Variants in USH2A observed in about 807,000 individuals in gnomAD.
USH2A encodes Usher syndrome 2A (autosomal recessive, mild).
USH2A carries 443 observed loss-of-function variants against 538.9 expected under a neutral mutation model. That is an observed-to-expected ratio of 0.82 (90% CI 0.76 to 0.89). The LOEUF (loss-of-function observed/expected upper bound fraction) is 0.89, where lower values mean the gene tolerates loss of function less well. Ranked by LOEUF, USH2A falls within the 40% of genes least tolerant of loss-of-function variation. The pLI is 0.00. For missense variants in USH2A, 6,633 were observed against 6,324.8 expected (o/e 1.05, Z -1.65); for synonymous variants, 2,413 against 2,273.5 (o/e 1.06, Z -1.75).
At position 216,391,716 on chromosome 1, in the gene USH2A, T is replaced by C. The variant is rs144253906; in HGVS notation, c.652-26631A>G. Among the ~76,000 whole-genome samples the C allele has an allele frequency of 2.8e-4, 42 of 152,278 alleles. No individual in the cohort carries two copies. In the East Asian group the frequency reaches 7.5e-3, roughly 27 times the overall value. On this transcript the variant is annotated intron_variant, in intron 3 of 71. Transcript: ENST00000307340. ...TATTGAGTTTGCATAAACTCTGCAT[T>C]TTACCAACAAGAGAACTAAGGTGAG... is the stretch of plus-strand genomic sequence containing the variant.
At chr1:216,284,509 C>T (rs893521316) in intron 11 of USH2A, among the ~76,000 whole-genome samples, 1 of 152,148 alleles carries the variant, frequency 6.6e-6, no homozygotes, top group Non-Finnish European at 1.5e-5. Flanking sequence ...AATTAACATC[C>T]TTCCTTTATA....
chr1:216,046,734 A>C (rs1296255628), intron 31 of USH2A, 142 bp from the exon 32 acceptor site: 1 of 970,446 alleles, frequency 1.0e-6, no homozygotes, highest in Non-Finnish European at 1.6e-6. Flanking sequence ...CTTGTCAGTA[A>C]TTGCTTTAGG....
intron 4 of USH2A, among the ~76,000 whole-genome samples, chr1:216,359,490 A>T (rs2038450610): frequency 6.6e-6 from 1 of 152,262 alleles, no homozygotes; most frequent in Middle Eastern, 3.4e-3. Context: ...CCTGGGTTAT[A>T]TTTAAACCAG....
At chr1:216,126,016 A>G (rs1180555628) in intron 21 of USH2A, among the ~76,000 whole-genome samples, 1 of 152,228 alleles carries the variant, frequency 6.6e-6, no homozygotes, top group Non-Finnish European at 1.5e-5. Context: ...CATTTCAAAA[A>G]TGTGTTTTAA....
At chr1:215,702,715 CT>C (rs1044912526) in intron 61 of USH2A, among the ~76,000 whole-genome samples, 3 of 151,402 alleles carry the variant, frequency 2.0e-5, no homozygotes, top group Non-Finnish European at 4.4e-5. Flanking sequence ...TTCCTGTAAC[CT>C]TTTTTTTCAA....
intron 61 of USH2A, among the ~76,000 whole-genome samples, chr1:215,726,630 G>T (rs761089276): frequency 1.4e-4 from 22 of 151,852 alleles, no homozygotes; most frequent in Non-Finnish European, 2.6e-4. Flanking sequence ...TAGTTTTTTG[G>T]TTTTTTTATA....
At chr1:216,242,204 T>A (rs796572839) in intron 13 of USH2A, among the ~76,000 whole-genome samples, 117 of 108,714 alleles carry the variant, frequency 1.1e-3, no homozygotes, top group African/African-American at 3.7e-3. Context: ...AAAAAAAAAA[T>A]ACAAAAAATT....
In USH2A at chr1:215,901,067, C is replaced by A. The variant is rs1665486061; in HGVS notation, c.7301-162G>T. 5.8e-6 allele frequency: 5 copies of A among 862,390 alleles called. No individual in the cohort carries two copies. The Admixed American group carries it at 1.0e-4, about 18-fold the overall frequency. 53.4% of individuals were successfully genotyped at this position (862,390 alleles called of 1,614,324 possible). A position where few individuals can be genotyped will look rare whatever the true frequency, so the allele number is the denominator to read the frequency against. On this transcript the variant is annotated intron_variant, in intron 38 of 71. Coordinates refer to ENST00000307340, the MANE Select transcript of USH2A (RefSeq NM_206933.4). ...ACATTTTCATTCCTGAACTCCTGTA[C>A]TTCCTTATTGTTCATTTCAACACAA...
At chr1:215,630,334 G>A in intron 70 of USH2A, 6 of 451,418 alleles carry the variant, frequency 1.3e-5, no homozygotes, top group South Asian at 9.4e-5. Flanking sequence ...TCCAATGACA[G>A]CATTATCATA....
At position 215,782,071 on chromosome 1, in the gene USH2A, T is replaced by C. The variant is rs763789288; in HGVS notation, c.10711A>G (p.Thr3571Ala). 1 of 1,614,012 alleles carries C rather than the reference T, an allele frequency of 6.2e-7. No homozygotes were observed. The highest frequency in any genetic ancestry group is 8.5e-7 in the Non-Finnish European group (1 of 1,179,894). Residue 3571 changes from threonine to alanine, a missense_variant, in exon 54 of 72, where the codon ACG (threonine) becomes GCG (alanine). Physicochemically the swap from Thr to Ala is moderately conservative, Grantham distance 58. Coordinates refer to ENST00000307340, the MANE Select transcript of USH2A (RefSeq NM_206933.4). The stretch of plus-strand genomic sequence containing the variant: ...CTACTGGTGGCACAGCCAGCAACCG[T>C]GCAAGCTTTCAGCTGATATGAATAT... Reference protein sequence around the residue: ...QEYSYQLKACTVAGCATSSKV... With the variant: ...QEYSYQLKACAVAGCATSSKV...
intron 21 of USH2A, among the ~76,000 whole-genome samples, chr1:216,128,622 A>G (rs1045071199): frequency 3.3e-5 from 5 of 151,982 alleles, no homozygotes; most frequent in Admixed American, 6.6e-5. Context: ...TTTCATGGTT[A>G]CTTAATAGTT....
intron 52 of USH2A, among the ~76,000 whole-genome samples, chr1:215,783,524 C>T (rs898541885): frequency 7.9e-5 from 12 of 152,060 alleles, no homozygotes; most frequent in African/African-American, 2.9e-4. Flanking sequence ...ACAAACCAAC[C>T]AACTTTATTA....
At chr1:216,160,242 T>G (rs1042692319) in intron 21 of USH2A, among the ~76,000 whole-genome samples, 3 of 152,238 alleles carry the variant, frequency 2.0e-5, no homozygotes, top group African/African-American at 7.2e-5. Context: ...AGCTAATTGA[T>G]TGTTAACTAT....
Position 215,815,406 on chromosome 1 carries a change from A to AT in USH2A, c.9571-1503dup, listed in dbSNP as rs5780858. Among the ~76,000 whole-genome samples the AT allele has an allele frequency of 1.3e-3, 187 of 146,500 alleles. 1 individual carries two copies. The East Asian group carries it at 0.02, about 16-fold the overall frequency. ...TTTTCTATAAAAGGTGACCCGTATGATTTTTTTTTTTTTGTAGAGTAGATT... is the reference window on the plus strand; with the variant it reads ...TTTTCTATAAAAGGTGACCCGTATGATTTTTTTTTTTTTTGTAGAGTAGATT... On this transcript the variant is annotated intron_variant, in intron 48 of 71. Coordinates refer to ENST00000307340, the MANE Select transcript of USH2A (RefSeq NM_206933.4).
Position 216,084,812 on chromosome 1 carries a change from A to G in USH2A, c.5053T>C (p.Ser1685Pro). 6.2e-7 allele frequency: 1 copy of G among 1,613,608 alleles called. No homozygotes were observed. The highest frequency in any genetic ancestry group is 8.5e-7 in the Non-Finnish European group (1 of 1,179,698). The change falls in exon 25 of 72, where the codon TCA becomes CCA. Residue 1685 changes from serine to proline, a missense_variant. Transcript: ENST00000307340. Reference sequence around the variant, plus strand: ...CAATCCAGAGGTTCCCAAATAGCTGACGGATTGTAATTCTTCATAAAATGT... The same window carrying G: ...CAATCCAGAGGTTCCCAAATAGCTGGCGGATTGTAATTCTTCATAAAATGT... ...DVHFMKNYNP[S>P]AIWEPLDWQS...
chr1:216,163,176 C>G lies in USH2A; in HGVS notation c.4627+12076G>C, dbSNP rs9727187. On this transcript the variant is annotated intron_variant, in intron 21 of 71. Transcript: ENST00000307340. ...TGTTCCCAACTTACATTGTTGCATA[C>G]GATATTAAGAACAAGGCTATTTACT... 2.6e-5 allele frequency among the ~76,000 whole-genome samples: 4 copies of G among 151,636 alleles called. No homozygotes were observed. The East Asian group carries it at 7.7e-4, about 29-fold the overall frequency.
chr1:215,899,655 C>A (rs1354473185), intron 40 of USH2A, among the ~76,000 whole-genome samples: 1 of 152,114 alleles, frequency 6.6e-6, no homozygotes, highest in East Asian at 1.9e-4. Flanking sequence ...AAAATGAAAC[C>A]TGTTTCCAGG....
At chr1:216,194,550 G>C (rs1370196457) in intron 19 of USH2A, among the ~76,000 whole-genome samples, 1 of 152,044 alleles carries the variant, frequency 6.6e-6, no homozygotes, top group African/African-American at 2.4e-5. Flanking sequence ...GAAATGGTAG[G>C]TATGCAGAGG....
At chr1:215,937,721 A>G (rs551583883) in intron 37 of USH2A, among the ~76,000 whole-genome samples, 1 of 152,284 alleles carries the variant, frequency 6.6e-6, no homozygotes, top group South Asian at 2.1e-4. Context: ...AAGTAGCGTA[A>G]CTGTGCAGGT....
Sources: gnomAD v4.1 joint callset for allele counts (sites outside exome capture counted in the v4.1 genomes callset) on GRCh38, gnomAD v4.1.1 for gene constraint, MANE v1.5 for transcripts, NCBI Gene and HGNC (gene_info 2026-07-23, HGNC 2026-07-21) for gene names.